SLC23A1: variants seen among roughly 807,000 people sequenced by gnomAD.
SLC23A1 encodes solute carrier family 23 member 1.
In SLC23A1, 31 loss-of-function variants were observed where a neutral mutation model predicts 62.5. The observed-to-expected ratio is 0.50, with a 90% confidence interval of 0.37 to 0.67. The LOEUF (loss-of-function observed/expected upper bound fraction) is 0.67, where lower values mean the gene tolerates loss of function less well. Among genes scored for constraint, SLC23A1 ranks in the 30% least tolerant of loss-of-function variants. SLC23A1 has a pLI of 0.00. For missense variants in SLC23A1, 640 were observed against 782.7 expected (o/e 0.82, Z 2.18); for synonymous variants, 271 against 313.2 (o/e 0.87, Z 1.42).
Position 139,379,058 on chromosome 5 carries a change from G to T in SLC23A1, c.1073+149C>A. 1 of 781,952 alleles carries T rather than the reference G, an allele frequency of 1.3e-6. No homozygotes were observed. Among genetic ancestry groups the T allele is most frequent in the Non-Finnish European group, 2.1e-6 (1 of 465,562 alleles). 48.4% of individuals were successfully genotyped at this position (781,952 alleles called of 1,614,324 possible). A position where few individuals can be genotyped will look rare whatever the true frequency, so the allele number is the denominator to read the frequency against. ...GCAAAGACAGAGGGGTGATGAGAGG[G>T]CACCCCCATCGCACAAACAAGGAGA... On this transcript the variant is annotated intron_variant, in intron 9 of 14. Transcript: ENST00000348729. The surrounding 1 kb of genome is among the most constrained non-coding windows in gnomAD (Gnocchi z 4.7).
chr5:139,368,590 C>A, intron 14 of SLC23A1: 1 of 610,504 alleles, frequency 1.6e-6, no homozygotes, highest in Admixed American at 3.1e-5. Flanking sequence ...TCTGGTTCTT[C>A]CTTTTTGGGG....
rs1224075655 is a variant in SLC23A1 at position 139,379,477 on chromosome 5, T to C, written c.926-123A>G. On this transcript the variant is annotated intron_variant, in intron 8 of 14. Transcript: ENST00000348729. This position sits in a 1 kb window ranked among gnomAD's most constrained non-coding sequence, Gnocchi z 4.7. The stretch of plus-strand genomic sequence containing the variant: ...AGACCTCAGGCTGGGATGGGAGCTA[T>C]ACAGTTGTGGGAGCTTATTTGAGTC... 13 of 1,104,206 alleles carry C rather than the reference T, an allele frequency of 1.2e-5. No homozygotes were observed. The highest frequency in any genetic ancestry group is 4.6e-5 in the African/African-American group (3 of 64,656). 68.4% of individuals were successfully genotyped at this position (1,104,206 alleles called of 1,614,324 possible).
Position 139,378,314 on chromosome 5 carries a change from A to T in SLC23A1, c.1217T>A (p.Ile406Asn). The change falls in exon 11 of 15, where the codon ATC becomes AAC. Residue 406 changes from isoleucine (I) to asparagine (N), a missense_variant. Physicochemically the swap from Ile to Asn is moderately radical, Grantham distance 149 (BLOSUM62 -3). Coordinates refer to ENST00000348729, the MANE Select transcript of SLC23A1 (RefSeq NM_005847.5). The surrounding 1 kb of genome is among the most constrained non-coding windows in gnomAD (Gnocchi z 4.5). ...GCCGATGGTGCCCAGGACCAGCATG[A>T]TAGCCGCACCATACTGCACCACGCG... Reference protein sequence around the residue: ...SRRVVQYGAAIMLVLGTIGKF... With the variant: ...SRRVVQYGAANMLVLGTIGKF... The T allele has an allele frequency of 1.3e-6, 2 of 1,586,538 alleles. No homozygotes were observed. The highest frequency in any genetic ancestry group is 1.7e-6 in the Non-Finnish European group (2 of 1,167,210).
intron 13 of SLC23A1, among the ~76,000 whole-genome samples, chr5:139,376,001 G>T (rs954221269): frequency 5.3e-5 from 8 of 152,034 alleles, no homozygotes; most frequent in African/African-American, 1.7e-4. Context: ...GGGCATGGTG[G>T]CATGCACCTG....
chr5:139,385,034 C>T (rs750776497), upstream of SLC23A1, among the ~76,000 whole-genome samples: 1 of 152,184 alleles, frequency 6.6e-6, no homozygotes, highest in East Asian at 1.9e-4. Flanking sequence ...CCCGCCTCTC[C>T]GGTCCCCTAA....
intron 14 of SLC23A1, chr5:139,369,092 T>G (rs1757486594): frequency 8.6e-6 from 2 of 232,708 alleles, no homozygotes; most frequent in Admixed American, 5.6e-5. Context: ...CTTACCAAAT[T>G]GTCTTTTTTT....
Position 139,378,228 on chromosome 5 carries a change from G to C in SLC23A1, c.1303C>G (p.Leu435Val). 6.2e-7 allele frequency: 1 copy of C among 1,613,090 alleles called. No homozygotes were observed. Among genetic ancestry groups the C allele is most frequent in the South Asian group, 1.1e-5 (1 of 90,912 alleles). The change falls in exon 11 of 15, where the codon CTC becomes GTC. Residue 435 changes from leucine (L) to valine (V), a missense_variant. By Grantham distance (32) the Leu-to-Val change is conservative (BLOSUM62 1). Coordinates refer to ENST00000348729, the MANE Select transcript of SLC23A1 (RefSeq NM_005847.5). This position sits in a 1 kb window ranked among gnomAD's most constrained non-coding sequence, Gnocchi z 4.5. ...DPILGGMFCT[L>V]FGMITAVGLS... ...GCCCGCGCCAGACACTCACCAAAGAGAGTGCAGAACATGCCCCCCAGGATG... is the reference window on the plus strand; with the variant it reads ...GCCCGCGCCAGACACTCACCAAAGACAGTGCAGAACATGCCCCCCAGGATG...
chr5:139,382,016 C>T lies in SLC23A1; in HGVS notation c.184G>A (p.Val62Met), dbSNP rs1050767461. The change falls in exon 3 of 15, where the codon GTG becomes ATG. Residue 62 changes from valine to methionine, a missense_variant. By Grantham distance (21) the Val-to-Met change is conservative (BLOSUM62 1). Transcript: ENST00000348729. ...AGCGCCTCAGCCAGCAGGAAGGGCACGGCGATGGTACCACTGAAGCATGTC... is the reference window on the plus strand; with the variant it reads ...AGCGCCTCAGCCAGCAGGAAGGGCATGGCGATGGTACCACTGAAGCATGTC... The part of the protein sequence containing the change: ...YLTCFSGTIA[V>M]PFLLAEALCV... 34 of 1,608,814 alleles carry T rather than the reference C, an allele frequency of 2.1e-5. No individual in the cohort carries two copies. Among genetic ancestry groups the T allele is most frequent in the Admixed American group, 3.4e-5 (2 of 59,250 alleles).
At chr5:139,372,287 C>T in intron 13 of SLC23A1, 34 bp from the exon 14 acceptor site, 1 of 1,591,876 alleles carries the variant, frequency 6.3e-7, no homozygotes, top group Non-Finnish European at 8.6e-7. Context: ...TTACCAAGGC[C>T]AGCAACCCTC....
intron 14 of SLC23A1, chr5:139,369,457 A>G (rs913301269): frequency 4.6e-5 from 7 of 151,724 alleles, no homozygotes; most frequent in African/African-American, 1.7e-4. Flanking sequence ...CTAACATATG[A>G]CCAATACCAA....
intron 14 of SLC23A1, among the ~76,000 whole-genome samples, chr5:139,368,196 G>A (rs974860608): frequency 1.3e-5 from 2 of 152,214 alleles, no homozygotes; most frequent in African/African-American, 4.8e-5. Context: ...AAATTAGCTG[G>A]GCGTGGCGGT....
Position 139,372,227 on chromosome 5 carries a change from G to T in SLC23A1, c.1576C>A (p.Gln526Lys), listed in dbSNP as rs72552250. The T allele has an allele frequency of 0.012, 19,837 of 1,613,674 alleles. 218 individuals carry two copies. The highest frequency in any genetic ancestry group is 0.012 in the Non-Finnish European group (14,742 of 1,179,614). Reference sequence around the variant, plus strand: ...TTGGCATGAGCCCCAGCTTTCCACTGTATCAGACCACGCTCCTCTGGGCTC... The same window carrying T: ...TTGGCATGAGCCCCAGCTTTCCACTTTATCAGACCACGCTCCTCTGGGCTC... The part of the protein sequence containing the change: ...PGSPEERGLI[Q>K]WKAGAHANSD... Residue 526 changes from glutamine (Q) to lysine (K), a missense_variant, in exon 14 of 15, where the codon CAG becomes AAG. Coordinates refer to ENST00000348729, the MANE Select transcript of SLC23A1 (RefSeq NM_005847.5).
Position 139,378,447 on chromosome 5 carries a change from C to A in SLC23A1, c.1180-96G>T. 2 of 1,483,038 alleles carry A rather than the reference C, an allele frequency of 1.3e-6. No homozygotes were observed. The highest frequency in any genetic ancestry group is 2.0e-5 in the Admixed American group (1 of 49,446). The allele number at this position is 1,483,038 out of a possible 1,614,324, so 91.9% of individuals were successfully genotyped here. A position where few individuals can be genotyped will look rare whatever the true frequency, so the allele number is the denominator to read the frequency against. On this transcript the variant is annotated intron_variant, in intron 10 of 14. Coordinates refer to ENST00000348729, the MANE Select transcript of SLC23A1 (RefSeq NM_005847.5). The surrounding 1 kb of genome is among the most constrained non-coding windows in gnomAD (Gnocchi z 4.5). ...CCTGTTATAAGAGCGAGGCATAAAC[C>A]GGCTGGGGCTTGATGCGGGGGCGAG...
chr5:139,385,367 G>A (rs922464398), upstream of SLC23A1, among the ~76,000 whole-genome samples: 2 of 152,156 alleles, frequency 1.3e-5, no homozygotes, highest in Admixed American at 6.6e-5. Context: ...AGAGAAAGCA[G>A]GACTGAGAAC....
In SLC23A1 at chr5:139,378,947, A is replaced by C. The variant is rs1758089827; in HGVS notation, c.1073+260T>G. 6.6e-6 allele frequency among the ~76,000 whole-genome samples: 1 copy of C among 152,236 alleles called. No homozygotes were observed. The highest frequency in any genetic ancestry group is 1.5e-5 in the Non-Finnish European group (1 of 68,030). On this transcript the variant is annotated intron_variant, in intron 9 of 14. Coordinates refer to ENST00000348729, the MANE Select transcript of SLC23A1 (RefSeq NM_005847.5). This position sits in a 1 kb window ranked among gnomAD's most constrained non-coding sequence, Gnocchi z 4.5. ...CACAAAATGCTTCAAAGATTGCATA[A>C]GAATGCACAGTCAGAGCCGGGCACA...
rs1366579990 is a variant in SLC23A1, at chr5:139,379,507, AG to A, written c.926-154del. The A allele has an allele frequency of 9.8e-7, 1 of 1,022,692 alleles. No homozygotes were observed. The highest frequency in any genetic ancestry group is 1.6e-5 in the African/African-American group (1 of 63,044). 63.4% of individuals were successfully genotyped at this position (1,022,692 alleles called of 1,614,324 possible). On this transcript the variant is annotated intron_variant, in intron 8 of 14. Transcript: ENST00000348729. The surrounding 1 kb of genome is among the most constrained non-coding windows in gnomAD (Gnocchi z 4.7). Reference sequence around the variant, plus strand: ...TTGTGGGAGCTTATTTGAGTCACTCAGAGCCAGGAAGTGGGACTGAAGCTTT... The same window carrying A: ...TTGTGGGAGCTTATTTGAGTCACTCAAGCCAGGAAGTGGGACTGAAGCTTT...
At chr5:139,384,820 C>T, upstream of SLC23A1, 1 of 852,860 alleles carries the variant, frequency 1.2e-6, no homozygotes, top group Middle Eastern at 6.0e-4. Context: ...TGCCCGGCTC[C>T]ACACCCTGTC....
At position 139,382,038 on chromosome 5, in the gene SLC23A1, T is replaced by A. The variant is rs1353183267; in HGVS notation, c.162A>T (p.Thr54=). ...CILLGFQHYL[T]CFSGTIAVPF... ...GCACGGCGATGGTACCACTGAAGCA[T>A]GTCAGGTAGTGCTGGGCAGAGGGAG... The change falls in exon 3 of 15, where the codon ACA becomes ACT. Residue 54 remains threonine, a synonymous_variant. Coordinates refer to ENST00000348729, the MANE Select transcript of SLC23A1 (RefSeq NM_005847.5). The A allele has an allele frequency of 1.2e-6, 2 of 1,608,900 alleles. No homozygotes were observed. The highest frequency in any genetic ancestry group is 2.2e-5 in the South Asian group (2 of 89,882).
chr5:139,380,382 C>G lies in SLC23A1; in HGVS notation c.473G>C (p.Gly158Ala). Residue 158 changes from glycine (G) to alanine (A), a missense_variant, in exon 6 of 15, where the codon GGT (glycine) becomes GCT (alanine). Gly to Ala is a moderately conservative substitution (Grantham distance 60). Transcript: ENST00000348729. Reference sequence around the variant, plus strand: ...CACCACGCTGGACACCATGATTGCACCCTGGACCTGGAAGGGCAAACATCA... The same window carrying G: ...CACCACGCTGGACACCATGATTGCAGCCTGGACCTGGAAGGGCAAACATCA... ...IWHPRIREVQ[G>A]AIMVSSVVEV... 1 of 1,613,378 alleles carries G rather than the reference C, an allele frequency of 6.2e-7. No individual in the cohort carries two copies. Among genetic ancestry groups the G allele is most frequent in the Non-Finnish European group, 8.5e-7 (1 of 1,179,740 alleles).
Sources: gnomAD v4.1 joint callset for allele counts (sites outside exome capture counted in the v4.1 genomes callset) on GRCh38, gnomAD v4.1.1 for gene constraint, Gnocchi (gnomAD v3.1) non-coding constraint, MANE v1.5 for transcripts, NCBI Gene and HGNC (gene_info 2026-07-23, HGNC 2026-07-21) for gene names.